The following RAPGEF4 variants were observed in gnomAD, a reference collection of about 807,000 sequenced individuals.
RAPGEF4 encodes the protein Rap guanine nucleotide exchange factor 4.
RAPGEF4 carries 66 observed loss-of-function variants against 147.9 expected under a neutral mutation model. The observed-to-expected ratio is 0.45, with a 90% confidence interval of 0.37 to 0.55. The LOEUF (loss-of-function observed/expected upper bound fraction) is 0.55, where lower values mean the gene tolerates loss of function less well. Ranked by LOEUF, RAPGEF4 falls within the 20% of genes least tolerant of loss-of-function variation. RAPGEF4 has a pLI of 0.00. For synonymous variants in RAPGEF4, 419 were observed against 442.7 expected (o/e 0.95, Z 0.67); for missense variants, 1,071 against 1,257.3 (o/e 0.85, Z 2.24).
chr2:172,965,592 C>T lies in RAPGEF4; in HGVS notation c.729C>T (p.Asp243=), dbSNP rs780656684. The T allele has an allele frequency of 1.6e-5, 26 of 1,613,654 alleles. 1 individual carries two copies. In the Middle Eastern group the frequency reaches 6.6e-4, roughly 41 times the overall value. Residue 243 remains aspartate (D), a synonymous_variant, in exon 9 of 31, where the codon GAC becomes GAT. Coordinates refer to ENST00000397081, the MANE Select transcript of RAPGEF4 (RefSeq NM_007023.4). ...RQCCVGTELV[D]WMMQQTPCVH... is the part of the protein sequence containing the mutation. ...GCTGTGTGGGAACTGAACTGGTGGA[C>T]TGGATGATGCAGCAGACACCATGTG...
chr2:172,834,611 CT>C (rs1292863400), intron 4 of RAPGEF4, among the ~76,000 whole-genome samples: 1 of 151,910 alleles, frequency 6.6e-6, no homozygotes, highest in Admixed American at 6.6e-5. Flanking sequence ...CTGCTTTTTT[CT>C]TCTTCTTCTT....
At chr2:172,874,557 G>C (rs1695653545) in intron 4 of RAPGEF4, among the ~76,000 whole-genome samples, 1 of 152,150 alleles carries the variant, frequency 6.6e-6, no homozygotes, top group Non-Finnish European at 1.5e-5. Context: ...CTTCATCCAT[G>C]TCCCTACAAA....
At position 172,755,228 on chromosome 2, in the gene RAPGEF4, A is replaced by G. The variant is rs182519019; in HGVS notation, c.65+19180A>G. Among the ~76,000 whole-genome samples the G allele has an allele frequency of 5.0e-3, 764 of 152,308 alleles. 6 individuals are homozygous for G. The highest frequency in any genetic ancestry group is 0.018 in the African/African-American group (729 of 41,568). On this transcript the variant is annotated intron_variant, in intron 1 of 30. Transcript: ENST00000397081. ...GCCCCATACAGAAACTCTTTAATTC[A>G]GGACCCATAAACATCTAACATTAAT...
intron 4 of RAPGEF4, among the ~76,000 whole-genome samples, chr2:172,898,490 A>G (rs552509545): frequency 6.6e-6 from 1 of 152,240 alleles, no homozygotes; most frequent in East Asian, 1.9e-4. Flanking sequence ...ACCCACTGGG[A>G]CAAGCTCCTC....
intron 29 of RAPGEF4, among the ~76,000 whole-genome samples, chr2:173,038,739 CATAAA>C (rs199957774): frequency 0.041 from 6,277 of 152,090 alleles, 186 homozygotes; most frequent in Admixed American, 0.081. Context: ...TATCCTGGAA[CATAAA>C]ATAAAATAAA....
intron 23 of RAPGEF4, among the ~76,000 whole-genome samples, chr2:173,023,410 GT>G (rs755562134): frequency 6.6e-6 from 1 of 152,208 alleles, no homozygotes; most frequent in Non-Finnish European, 1.5e-5. Flanking sequence ...TGCCTTATCT[GT>G]AGGACATTTC....
chr2:172,877,201 C>T lies in RAPGEF4; in HGVS notation c.445-40601C>T, dbSNP rs964305174. On this transcript the variant is annotated intron_variant, in intron 4 of 30. Coordinates refer to ENST00000397081, the MANE Select transcript of RAPGEF4 (RefSeq NM_007023.4). The stretch of plus-strand genomic sequence containing the variant: ...ATGCAGGCATAAAAAAGGATGAGTT[C>T]ATGTCCTTTGCAGGGACATGGATGA... Among the ~76,000 whole-genome samples, 4 of 152,264 alleles carry T rather than the reference C, an allele frequency of 2.6e-5. No individual in the cohort carries two copies. The East Asian group carries it at 5.8e-4, about 22-fold the overall frequency.
intron 10 of RAPGEF4, among the ~76,000 whole-genome samples, chr2:172,982,138 C>A (rs574950276): frequency 6.6e-6 from 1 of 152,158 alleles, no homozygotes; most frequent in African/African-American, 2.4e-5. Flanking sequence ...GATTTTCAGA[C>A]GCTAAATCTA....
At chr2:172,875,089 G>C (rs1054185760) in intron 4 of RAPGEF4, among the ~76,000 whole-genome samples, 66 of 151,988 alleles carry the variant, frequency 4.3e-4, no homozygotes, top group Non-Finnish European at 7.9e-4. Flanking sequence ...CTTTTTGATG[G>C]GGTTGTTTGT....
At chr2:172,955,972 A>G (rs146713122) in intron 6 of RAPGEF4, among the ~76,000 whole-genome samples, 298 of 152,302 alleles carry the variant, frequency 2.0e-3, no homozygotes, top group Non-Finnish European at 2.4e-3. Flanking sequence ...TCTCACGGAT[A>G]CTGCAGTGCT....
chr2:172,844,287 T>C (rs1458343209), intron 4 of RAPGEF4, among the ~76,000 whole-genome samples: 1 of 152,052 alleles, frequency 6.6e-6, no homozygotes, highest in Non-Finnish European at 1.5e-5. Flanking sequence ...CTGTGAGACT[T>C]TGGGCAGAGA....
intron 4 of RAPGEF4, among the ~76,000 whole-genome samples, chr2:172,859,428 A>G (rs1693778218): frequency 6.6e-6 from 1 of 152,246 alleles, no homozygotes; most frequent in African/African-American, 2.4e-5. Flanking sequence ...ACATGTTTTA[A>G]AGAAAGGAAT....
intron 6 of RAPGEF4, among the ~76,000 whole-genome samples, chr2:172,924,850 G>C (rs1456003780): frequency 2.0e-5 from 3 of 151,994 alleles, no homozygotes; most frequent in Non-Finnish European, 2.9e-5. Context: ...AAAACATTTA[G>C]ACTATTGTTT....
chr2:172,957,005 G>T (rs1273493592), intron 6 of RAPGEF4, among the ~76,000 whole-genome samples: 1 of 152,154 alleles, frequency 6.6e-6, no homozygotes, highest in Non-Finnish European at 1.5e-5. Context: ...AGGTGGATGG[G>T]GTCATTGTAC....
At position 172,852,166 on chromosome 2, in the gene RAPGEF4, C is replaced by A. The variant is rs182665238; in HGVS notation, c.444+37741C>A. On this transcript the variant is annotated intron_variant, in intron 4 of 30. Coordinates refer to ENST00000397081, the MANE Select transcript of RAPGEF4 (RefSeq NM_007023.4). Reference sequence around the variant, plus strand: ...AGTAACTCTGCAGACAGTGTCACCACATTGTAGCACATTTCATCTTTCTAT... The same window carrying A: ...AGTAACTCTGCAGACAGTGTCACCAAATTGTAGCACATTTCATCTTTCTAT... 2.6e-5 allele frequency among the ~76,000 whole-genome samples: 4 copies of A among 152,266 alleles called. No homozygotes were observed. The East Asian group carries it at 7.7e-4, about 29-fold the overall frequency.
At chr2:172,855,487 G>C (rs1693312973) in intron 4 of RAPGEF4, among the ~76,000 whole-genome samples, 1 of 152,136 alleles carries the variant, frequency 6.6e-6, no homozygotes, top group African/African-American at 2.4e-5. Context: ...GTGTCTGTCT[G>C]TTTTTCATAT....
chr2:172,793,686 A>G (rs142675625), intron 1 of RAPGEF4, among the ~76,000 whole-genome samples: 1 of 152,372 alleles, frequency 6.6e-6, no homozygotes, highest in Non-Finnish European at 1.5e-5. Flanking sequence ...AAATTGCTCA[A>G]AGAAAAGAAA....
chr2:172,757,188 G>A (rs144780410), intron 1 of RAPGEF4, among the ~76,000 whole-genome samples: 60 of 152,344 alleles, frequency 3.9e-4, no homozygotes, highest in Middle Eastern at 6.8e-3. Flanking sequence ...CAGTAATCCA[G>A]CATCATAGAG....
intron 4 of RAPGEF4, among the ~76,000 whole-genome samples, chr2:172,822,781 C>A (rs1407974564): frequency 2.0e-5 from 3 of 152,188 alleles, no homozygotes; most frequent in African/African-American, 4.8e-5. Context: ...CACCTCACCC[C>A]CACTCTCTCC....
Sources: allele counts gnomAD v4.1 joint callset (sites outside exome capture counted in the v4.1 genomes callset), GRCh38; gene constraint gnomAD v4.1.1; transcripts MANE v1.5; gene names NCBI Gene and HGNC (gene_info 2026-07-23, HGNC 2026-07-21).